The following BRAF variants were observed in gnomAD, a reference collection of about 807,000 sequenced individuals.
BRAF encodes the protein serine/threonine-protein kinase B-raf.
BRAF carries 16 observed loss-of-function variants against 104.6 expected under a neutral mutation model. The observed-to-expected ratio is 0.15, with a 90% CI of 0.10 to 0.23. The LOEUF is 0.23. Among genes scored for constraint, BRAF ranks in the 10% least tolerant of loss-of-function variants. The pLI is 1.00. For missense variants in BRAF, 541 were observed against 937.3 expected, an observed-to-expected ratio of 0.58 and a Z score of 5.52; for synonymous variants, 310 against 341.6, an observed-to-expected ratio of 0.91 and a Z score of 1.02.
At chr7:140,834,153 G>A in intron 3 of BRAF, 1 of 205,488 alleles carries the variant, frequency 4.9e-6, no homozygotes, top group Admixed American at 5.2e-5. Context: ...AGGGTACGCT[G>A]TTCCAATGGT....
chr7:140,914,042 T>C (rs1342251772), intron 1 of BRAF, among the ~76,000 whole-genome samples: 1 of 152,220 alleles, frequency 6.6e-6, no homozygotes, highest in Non-Finnish European at 1.5e-5. Flanking sequence ...AAGTGTTAAC[T>C]AGAGCCCTGT....
At chr7:140,729,593 C>A (rs895158900) in intron 19 of BRAF, among the ~76,000 whole-genome samples, 3 of 151,976 alleles carry the variant, frequency 2.0e-5, no homozygotes, top group Non-Finnish European at 4.4e-5. Flanking sequence ...ACCAGCCTGG[C>A]CAACATGGTG....
chr7:140,724,338 G>A lies in BRAF; in HGVS notation c.*2156C>T. ...AAACTTGAAGCCAATCTTGGTAAAG[G>A]GAACACAGCCACATTTAAAAGCATC... On this transcript the variant is annotated 3_prime_UTR_variant, in exon 20 of 20. Transcript: ENST00000644969. 1 of 1,054,570 alleles carries A rather than the reference G, an allele frequency of 9.5e-7. No individual in the cohort carries two copies. The highest frequency in any genetic ancestry group is 1.1e-6 in the Non-Finnish European group (1 of 872,622). The allele number at this position is 1,054,570 out of a possible 1,614,324, so 65.3% of individuals were successfully genotyped here.
intron 1 of BRAF, among the ~76,000 whole-genome samples, chr7:140,892,752 A>C (rs1053041265): frequency 6.6e-6 from 1 of 152,158 alleles, no homozygotes; most frequent in Admixed American, 6.5e-5. Context: ...TTTTAAAGTG[A>C]AACACAGACC....
At chr7:140,907,495 T>C (rs1364702711) in intron 1 of BRAF, among the ~76,000 whole-genome samples, 1 of 152,130 alleles carries the variant, frequency 6.6e-6, no homozygotes, top group Non-Finnish European at 1.5e-5. Context: ...TCTCCTGACC[T>C]CGTGATCTGT....
At chr7:140,751,670 C>T (rs1344481348) in intron 16 of BRAF, among the ~76,000 whole-genome samples, 1 of 152,148 alleles carries the variant, frequency 6.6e-6, no homozygotes, top group African/African-American at 2.4e-5. Context: ...TACAGATCTT[C>T]TAAGTCCAAT....
chr7:140,882,181 T>C (rs923229992), intron 1 of BRAF, among the ~76,000 whole-genome samples: 1 of 152,120 alleles, frequency 6.6e-6, no homozygotes, highest in African/African-American at 2.4e-5. Flanking sequence ...TGCTTTACAG[T>C]TGTCAAATAA....
At chr7:140,756,553 C>T (rs887709390) in intron 14 of BRAF, among the ~76,000 whole-genome samples, 5 of 151,772 alleles carry the variant, frequency 3.3e-5, no homozygotes, top group African/African-American at 1.2e-4. Context: ...AAAAAAAAAC[C>T]CAAACAAAAA....
At chr7:140,833,440 C>G (rs1372734711) in intron 3 of BRAF, among the ~76,000 whole-genome samples, 2 of 152,164 alleles carry the variant, frequency 1.3e-5, no homozygotes, top group African/African-American at 4.8e-5. Context: ...TAGGCTGCTT[C>G]GAAGATTATC....
chr7:140,827,914 G>T (rs1806246456), intron 3 of BRAF, among the ~76,000 whole-genome samples: 1 of 150,904 alleles, frequency 6.6e-6, no homozygotes, highest in Non-Finnish European at 1.5e-5. Context: ...ATTTTTTTTT[G>T]AGATGGAGTT....
Position 140,867,884 on chromosome 7 carries a change from TCTC to T in BRAF, c.139-17675_139-17673del, listed in dbSNP as rs543227301. On this transcript the variant is annotated intron_variant, in intron 1 of 19. Transcript: ENST00000644969. ...CCCCTTTCCATTCTGACCCTGGGCT[TCTC>T]CTTGCTCTTGTGATACCTTGTAATG... is the stretch of plus-strand genomic sequence containing the variant. Among the ~76,000 whole-genome samples the T allele has an allele frequency of 1.7e-3, 257 of 152,288 alleles. 3 individuals carry two copies. The highest frequency in any genetic ancestry group is 2.5e-4 in the Non-Finnish European group (17 of 68,018).
In BRAF at chr7:140,800,384, C is replaced by T. The variant is rs1461617552; in HGVS notation, c.958G>A (p.Ala320Thr). Residue 320 changes from alanine (A) to threonine (T), a missense_variant, in exon 7 of 20, where the codon GCA (alanine) becomes ACA (threonine). Physicochemically the swap from Ala to Thr is moderately conservative, Grantham distance 58. Around this residue, in one of 10 missense-constraint regions of BRAF, gnomAD observed 79 missense variants for 74.6 expected, o/e 1.06. Transcript: ENST00000644969. ...TACCCAATAGAGTCCGAGGCGGGTG[C>T]GGAAGGGGATGATCCAGATGTTAGG... ...TALTSGSSPSAPASDSIGPQI... is the reference protein window; with the variant it reads ...TALTSGSSPSTPASDSIGPQI... 9 of 1,614,040 alleles carry T rather than the reference C, an allele frequency of 5.6e-6. No homozygotes were observed. The highest frequency in any genetic ancestry group is 1.1e-5 in the South Asian group (1 of 91,072).
Position 140,721,344 on chromosome 7 carries a change from G to C in BRAF, c.*5150C>G. 13 of 1,205,122 alleles carry C rather than the reference G, an allele frequency of 1.1e-5. No homozygotes were observed. Among genetic ancestry groups the C allele is most frequent in the Non-Finnish European group, 1.3e-5 (13 of 972,330 alleles). 74.7% of individuals were successfully genotyped at this position (1,205,122 alleles called of 1,614,324 possible). ...ACCTTAATTTAAGATTTTAGGAGTT[G>C]GGTTTCTGTCCTTTTCCACATTAAA... On this transcript the variant is annotated 3_prime_UTR_variant, in exon 20 of 20. Coordinates refer to ENST00000644969, the MANE Select transcript of BRAF (RefSeq NM_001374258.1).
intron 1 of BRAF, among the ~76,000 whole-genome samples, chr7:140,866,022 A>C (rs2129087701): frequency 6.6e-6 from 1 of 152,304 alleles, no homozygotes; most frequent in Middle Eastern, 3.4e-3. Flanking sequence ...TCATCCACTA[A>C]ATTTACGTAA....
chr7:140,919,518 G>A (rs1459322460), intron 1 of BRAF, among the ~76,000 whole-genome samples: 1 of 151,874 alleles, frequency 6.6e-6, no homozygotes, highest in Non-Finnish European at 1.5e-5. Flanking sequence ...TCAGAGGGTA[G>A]GGGGGAAAAA....
At chr7:140,783,200 A>G (rs1801047103) in intron 10 of BRAF, 43 bp from the exon 10 acceptor site, 1 of 1,608,736 alleles carries the variant, frequency 6.2e-7, no homozygotes, top group African/African-American at 1.3e-5. Flanking sequence ...AGGAGGAGCA[A>G]GTATGTTAAT....
At chr7:140,880,747 T>C (rs889550446) in intron 1 of BRAF, among the ~76,000 whole-genome samples, 9 of 151,388 alleles carry the variant, frequency 5.9e-5, no homozygotes, top group Non-Finnish European at 1.2e-4. Flanking sequence ...GGCAAGAGGA[T>C]CACTTGAGAC....
chr7:140,905,403 C>G (rs1226928212), intron 1 of BRAF, among the ~76,000 whole-genome samples: 1 of 152,150 alleles, frequency 6.6e-6, no homozygotes, highest in Non-Finnish European at 1.5e-5. Flanking sequence ...ACTCTTCTGC[C>G]AATAATGCTT....
chr7:140,779,654 C>T (rs957423363), intron 12 of BRAF, among the ~76,000 whole-genome samples: 1 of 152,162 alleles, frequency 6.6e-6, no homozygotes, highest in Non-Finnish European at 1.5e-5. Flanking sequence ...CCAACCTGGC[C>T]AGGTGTGCTG....
Sources: gnomAD v4.1 joint callset for allele counts (sites outside exome capture counted in the v4.1 genomes callset) on GRCh38, gnomAD v4.1.1 for gene constraint, gnomAD v4.1.1 regional missense constraint, MANE v1.5 for transcripts, NCBI Gene and HGNC (gene_info 2026-07-23, HGNC 2026-07-21) for gene names.